The following ARHGAP42 variants were observed in gnomAD, a reference collection of about 807,000 sequenced individuals.
ARHGAP42 encodes Rho GTPase activating protein 42.
A neutral mutation model predicts 125.0 loss-of-function variants in ARHGAP42; 63 were observed. That is an observed-to-expected ratio of 0.50 (90% confidence interval 0.41 to 0.62). The LOEUF (loss-of-function observed/expected upper bound fraction) is 0.62. ARHGAP42 is among the 20% of genes least tolerant of loss of function. The pLI, the probability that ARHGAP42 is intolerant of heterozygous loss-of-function variation, is 0.00. For synonymous variants in ARHGAP42, 339 were observed against 351.0 expected, an observed-to-expected ratio of 0.97 and a Z score of 0.38; for missense variants, 766 against 1,024.2, an observed-to-expected ratio of 0.75 and a Z score of 3.44.
At chr11:100,696,224 C>G (rs922964401) in intron 1 of ARHGAP42, among the ~76,000 whole-genome samples, 6 of 151,790 alleles carry the variant, frequency 4.0e-5, no homozygotes, top group African/African-American at 1.2e-4. Context: ...GACCCTGTGT[C>G]AAAAAACAAA....
chr11:100,795,074 A>G, intron 2 of ARHGAP42, 31 bp from the exon 3 acceptor site: 3 of 1,494,996 alleles, frequency 2.0e-6, no homozygotes, highest in Non-Finnish European at 2.7e-6. Context: ...GAAAATATTA[A>G]TTCTTTGCAT....
At position 100,824,557 on chromosome 11, in the gene ARHGAP42, A is replaced by G. The variant is rs555010889; in HGVS notation, c.312+29391A>G. ...GCACATGAATTCAATAACTAGTTGT[A>G]TATATGATATATGATGATGACTTTT... On this transcript the variant is annotated intron_variant, in intron 3 of 23. Coordinates refer to ENST00000298815, the MANE Select transcript of ARHGAP42 (RefSeq NM_152432.4). Among the ~76,000 whole-genome samples, 3 of 152,356 alleles carry G rather than the reference A, an allele frequency of 2.0e-5. No individual in the cohort carries two copies. The South Asian group carries it at 6.2e-4, about 32-fold the overall frequency.
At chr11:100,986,236 T>A (rs1858675973) in intron 22 of ARHGAP42, 3 of 365,802 alleles carry the variant, frequency 8.2e-6, no homozygotes, top group Admixed American at 7.1e-5. Context: ...TGGGCAGCTA[T>A]TTCAGAGAAG....
intron 3 of ARHGAP42, among the ~76,000 whole-genome samples, chr11:100,839,109 C>T (rs1165295904): frequency 1.3e-5 from 2 of 152,146 alleles, no homozygotes; most frequent in African/African-American, 4.8e-5. Context: ...TCCCTTCCTG[C>T]TTACCACCTT....
At chr11:100,737,501 A>G (rs924218784) in intron 1 of ARHGAP42, among the ~76,000 whole-genome samples, 2 of 152,118 alleles carry the variant, frequency 1.3e-5, no homozygotes, top group Admixed American at 6.5e-5. Flanking sequence ...TTCTAACTCT[A>G]GCTATCCTTT....
At position 100,815,405 on chromosome 11, in the gene ARHGAP42, T is replaced by A. The variant is rs186804052; in HGVS notation, c.312+20239T>A. Among the ~76,000 whole-genome samples the A allele has an allele frequency of 5.9e-5, 9 of 152,220 alleles. No individual in the cohort carries two copies. In the East Asian group the frequency reaches 1.7e-3, roughly 29 times the overall value. On this transcript the variant is annotated intron_variant, in intron 3 of 23. Transcript: ENST00000298815. ...CAAATTGTGTGAAAGAGAAATAGAGTCTACATGCATGGAATTTTGGCCATG... is the reference window on the plus strand; with the variant it reads ...CAAATTGTGTGAAAGAGAAATAGAGACTACATGCATGGAATTTTGGCCATG...
intron 20 of ARHGAP42, 41 bp downstream of exon 20, chr11:100,976,478 G>T (rs1858394851): frequency 1.6e-5 from 23 of 1,482,490 alleles, no homozygotes; most frequent in East Asian, 2.5e-5. Flanking sequence ...CATTGTCTCA[G>T]TGTCACTTGT....
chr11:100,897,175 C>T (rs1186227743), intron 4 of ARHGAP42, among the ~76,000 whole-genome samples: 2 of 152,072 alleles, frequency 1.3e-5, no homozygotes, highest in Non-Finnish European at 2.9e-5. Flanking sequence ...TTTCTGAGGT[C>T]TCTGTTCTGT....
At chr11:100,712,475 G>A (rs1176102343) in intron 1 of ARHGAP42, among the ~76,000 whole-genome samples, 1 of 152,156 alleles carries the variant, frequency 6.6e-6, no homozygotes, top group Non-Finnish European at 1.5e-5. Context: ...GAAATGCGGT[G>A]TGCAAAATGT....
At chr11:100,734,781 CAG>C (rs966236246) in intron 1 of ARHGAP42, among the ~76,000 whole-genome samples, 1 of 152,174 alleles carries the variant, frequency 6.6e-6, no homozygotes, top group African/African-American at 2.4e-5. Context: ...CTCACAGAAA[CAG>C]ATGTGGTGGC....
chr11:100,702,994 A>G (rs1327993912), intron 1 of ARHGAP42, among the ~76,000 whole-genome samples: 2 of 152,262 alleles, frequency 1.3e-5, no homozygotes, highest in East Asian at 1.9e-4. Context: ...AGCTCTTACC[A>G]TATAGTGGAT....
rs531379675 is a variant in ARHGAP42 at position 100,895,971 on chromosome 11, C to T, written c.385-17481C>T. 1.4e-4 allele frequency among the ~76,000 whole-genome samples: 22 copies of T among 152,230 alleles called. No individual in the cohort carries two copies. In the South Asian group the frequency reaches 3.7e-3, roughly 26 times the overall value. ...TCGTCATTTACATTAGGTATTTCCC[C>T]TAATGCTATCCTTCCACCAGGCCCC... On this transcript the variant is annotated intron_variant, in intron 4 of 23. Coordinates refer to ENST00000298815, the MANE Select transcript of ARHGAP42 (RefSeq NM_152432.4).
intron 4 of ARHGAP42, among the ~76,000 whole-genome samples, chr11:100,907,657 A>G (rs1048135352): frequency 6.6e-6 from 1 of 152,180 alleles, no homozygotes; most frequent in African/African-American, 2.4e-5. Context: ...GCTCCAGGTA[A>G]TGCCTAAACA....
At chr11:100,839,844 T>A (rs1864902454) in intron 3 of ARHGAP42, 1 of 152,124 alleles carries the variant, frequency 6.6e-6, no homozygotes, top group African/African-American at 2.4e-5. Flanking sequence ...ACTCCCCTCC[T>A]AGAACCTCCA....
At chr11:100,703,662 T>G (rs1306450549) in intron 1 of ARHGAP42, among the ~76,000 whole-genome samples, 1 of 152,222 alleles carries the variant, frequency 6.6e-6, no homozygotes, top group Non-Finnish European at 1.5e-5. Context: ...GAACCAAGAA[T>G]TAGGTTGCCA....
At chr11:100,779,823 C>T (rs1003254733) in intron 2 of ARHGAP42, among the ~76,000 whole-genome samples, 11 of 151,368 alleles carry the variant, frequency 7.3e-5, no homozygotes, top group African/African-American at 2.4e-4. Context: ...GTCAGGAGTT[C>T]GAGACCTGCC....
intron 6 of ARHGAP42, among the ~76,000 whole-genome samples, chr11:100,922,325 G>A (rs571919810): frequency 2.0e-5 from 3 of 151,898 alleles, no homozygotes; most frequent in African/African-American, 7.3e-5. Context: ...AATGTAAACC[G>A]CGTTACAGAA....
At chr11:100,843,785 A>G (rs1864996339) in intron 3 of ARHGAP42, among the ~76,000 whole-genome samples, 1 of 152,184 alleles carries the variant, frequency 6.6e-6, no homozygotes, top group African/African-American at 2.4e-5. Flanking sequence ...AAAACTGCTG[A>G]AAGAAGTCAT....
At chr11:100,952,683 C>T (rs915411014) in intron 12 of ARHGAP42, among the ~76,000 whole-genome samples, 1 of 150,686 alleles carries the variant, frequency 6.6e-6, no homozygotes, top group East Asian at 2.0e-4. Flanking sequence ...AATTTAGCTG[C>T]CAGCACCTCT....
Sources: allele counts gnomAD v4.1 joint callset (sites outside exome capture counted in the v4.1 genomes callset), GRCh38; gene constraint gnomAD v4.1.1; transcripts MANE v1.5; gene names NCBI Gene and HGNC (gene_info 2026-07-23, HGNC 2026-07-21).